PDGFRA: variants seen among roughly 807,000 people sequenced by gnomAD.
PDGFRA encodes platelet-derived growth factor receptor alpha.
In PDGFRA, 25 loss-of-function variants were observed where a neutral mutation model predicts 121.5. The ratio of observed to expected loss-of-function variants is 0.21; its 90% confidence interval spans 0.15 to 0.29. The LOEUF is 0.29. Among genes scored for constraint, PDGFRA ranks in the 10% least tolerant of loss-of-function variants. The pLI, the probability that PDGFRA is intolerant of heterozygous loss-of-function variation, is 1.00. For missense variants in PDGFRA, 1,008 were observed against 1,345.1 expected, an observed-to-expected ratio of 0.75 and a Z score of 3.92; for synonymous variants, 463 against 494.8, an observed-to-expected ratio of 0.94 and a Z score of 0.85.
At chr4:54,261,931 A>ATATTT (rs57094735) in intron 3 of PDGFRA, among the ~76,000 whole-genome samples, 5 of 58,416 alleles carry the variant, frequency 8.6e-5, no homozygotes, top group East Asian at 9.9e-4. Flanking sequence ...ATATATATAT[A>ATATTT]TTTTTTTTTT....
chr4:54,274,688 G>C (rs1024086527), intron 11 of PDGFRA, 63 bp downstream of exon 11: 11 of 1,462,278 alleles, frequency 7.5e-6, no homozygotes, highest in Non-Finnish European at 9.6e-6. Context: ...TAGCAACCTA[G>C]TTCAGTGCTT....
intron 15 of PDGFRA, 84 bp from the exon 16 acceptor site, chr4:54,280,232 T>C: frequency 8.9e-7 from 1 of 1,117,994 alleles, no homozygotes; most frequent in Non-Finnish European, 1.3e-6. Flanking sequence ...CCTCAGTACC[T>C]GGCACATAAT....
chr4:54,269,249 G>T (rs939822893), intron 7 of PDGFRA, among the ~76,000 whole-genome samples: 6 of 152,116 alleles, frequency 3.9e-5, no homozygotes, highest in Non-Finnish European at 8.8e-5. Context: ...CCCAGTATTT[G>T]CAAAGTGTTT....
In PDGFRA at chr4:54,292,958, A is replaced by G. The variant is rs557193241; in HGVS notation, c.3123-2167A>G. Among the ~76,000 whole-genome samples the G allele has an allele frequency of 3.3e-5, 5 of 152,274 alleles. 1 individual carries two copies. The highest frequency in any genetic ancestry group is 6.8e-3 in the Middle Eastern group (2 of 294). On this transcript the variant is annotated intron_variant, in intron 22 of 22. Coordinates refer to ENST00000257290, the MANE Select transcript of PDGFRA (RefSeq NM_006206.6). Reference sequence around the variant, plus strand: ...TGCTTATTATTTGGGTGATGAAATAATCTGTACATCAAACCGCCATGACAT... The same window carrying G: ...TGCTTATTATTTGGGTGATGAAATAGTCTGTACATCAAACCGCCATGACAT...
chr4:54,260,521 T>C (rs1722639995), intron 2 of PDGFRA, among the ~76,000 whole-genome samples: 1 of 145,848 alleles, frequency 6.9e-6, no homozygotes, highest in African/African-American at 2.5e-5. Flanking sequence ...CACCTCAGCC[T>C]CCAGAGTAGC....
chr4:54,265,099 A>T, intron 5 of PDGFRA, 50 bp downstream of exon 5: 1 of 1,595,118 alleles, frequency 6.3e-7, no homozygotes, highest in East Asian at 2.2e-5. Context: ...AACAGGGCTC[A>T]GAAGACCTGC....
chr4:54,281,806 G>T (rs1183685066), intron 16 of PDGFRA: 2 of 1,261,726 alleles, frequency 1.6e-6, no homozygotes, highest in South Asian at 3.3e-5. Context: ...TTCCAGATGG[G>T]ACTAACTGGG....
intron 1 of PDGFRA, among the ~76,000 whole-genome samples, chr4:54,241,591 C>T (rs760476047): frequency 2.7e-5 from 4 of 150,280 alleles, no homozygotes; most frequent in Non-Finnish European, 4.4e-5. Context: ...CTCTTGTTGC[C>T]CAGGCTGGAG....
In PDGFRA at chr4:54,288,578, G is replaced by A. The variant is rs572878781; in HGVS notation, c.2675-221G>A. Among the ~76,000 whole-genome samples, 3 of 152,108 alleles carry A rather than the reference G, an allele frequency of 2.0e-5. No homozygotes were observed. In the South Asian group the frequency reaches 6.2e-4, roughly 32 times the overall value. On this transcript the variant is annotated intron_variant, in intron 19 of 22. Transcript: ENST00000257290. ...TTATTTCTAAAGATGTAGAATTTTT[G>A]TGATGGTACTTGGACTTGACCAACC...
chr4:54,278,091 T>A, intron 14 of PDGFRA, 85 bp downstream of exon 14: 1 of 850,124 alleles, frequency 1.2e-6, no homozygotes. Context: ...TCCTCCACTC[T>A]CCATCCCCAC....
chr4:54,277,262 CATT>C (rs1397780007), intron 12 of PDGFRA, 123 bp from the exon 13 acceptor site: 2 of 750,284 alleles, frequency 2.7e-6, no homozygotes, highest in Non-Finnish European at 4.9e-6. Context: ...TTGGAGGAGT[CATT>C]ATGATTACTC....
chr4:54,244,091 G>A (rs1014375161), intron 1 of PDGFRA, among the ~76,000 whole-genome samples: 3 of 152,214 alleles, frequency 2.0e-5, no homozygotes, highest in Non-Finnish European at 4.4e-5. Flanking sequence ...GCCCACCACA[G>A]CTCAAGGAGG....
chr4:54,290,678 C>T (rs1474462584), intron 22 of PDGFRA, 124 bp downstream of exon 22: 2 of 1,081,538 alleles, frequency 1.8e-6, no homozygotes, highest in East Asian at 2.4e-5. Flanking sequence ...GGACAAGTTG[C>T]AGAATCCTCA....
At chr4:54,265,082 G>A (rs1458335000) in intron 5 of PDGFRA, 33 bp downstream of exon 5, 4 of 1,611,100 alleles carry the variant, frequency 2.5e-6, no homozygotes, top group Non-Finnish European at 3.4e-6. Flanking sequence ...ATGGCTTGGA[G>A]CAGAGCAACA....
rs377046737 is a variant in PDGFRA at position 54,280,300 on chromosome 4, C to T, written c.2157-16C>T. 2 of 1,611,832 alleles carry T rather than the reference C, an allele frequency of 1.2e-6. No homozygotes were observed. Among genetic ancestry groups the T allele is most frequent in the Non-Finnish European group, 1.7e-6 (2 of 1,178,264 alleles). ...GAAGGGCACCCTGGGTAAGATTTCT[C>T]TTTCTGTTTTTACAGCTATGTTATT... is the stretch of plus-strand genomic sequence containing the variant. On this transcript the variant is annotated splice_polypyrimidine_tract_variant and intron_variant, in intron 15 of 22. Coordinates refer to ENST00000257290, the MANE Select transcript of PDGFRA (RefSeq NM_006206.6).
At chr4:54,266,581 T>C (rs559936366) in intron 5 of PDGFRA, among the ~76,000 whole-genome samples, 6 of 152,296 alleles carry the variant, frequency 3.9e-5, no homozygotes, top group South Asian at 2.1e-4. Flanking sequence ...TTCTTATCCA[T>C]AGATAAACAT....
At chr4:54,235,439 C>A (rs1465651294) in intron 1 of PDGFRA, among the ~76,000 whole-genome samples, 1 of 152,250 alleles carries the variant, frequency 6.6e-6, no homozygotes, top group Non-Finnish European at 1.5e-5. Flanking sequence ...TTGCACATTG[C>A]CTTTGGTTAT....
chr4:54,244,135 T>C (rs373563821), intron 1 of PDGFRA, among the ~76,000 whole-genome samples: 6 of 152,114 alleles, frequency 3.9e-5, no homozygotes, highest in Non-Finnish European at 4.4e-5. Flanking sequence ...TCTCTGGGGG[T>C]AGGGCACAGA....
intron 22 of PDGFRA, among the ~76,000 whole-genome samples, chr4:54,290,927 C>T (rs532348396): frequency 2.4e-3 from 364 of 152,196 alleles, no homozygotes; most frequent in African/African-American, 8.5e-3. Context: ...TGAAGAGAGG[C>T]GGGACTGGGT....
Sources: gnomAD v4.1 joint callset for allele counts (sites outside exome capture counted in the v4.1 genomes callset) on GRCh38, gnomAD v4.1.1 for gene constraint, MANE v1.5 for transcripts, NCBI Gene and HGNC (gene_info 2026-07-23, HGNC 2026-07-21) for gene names.